IL21R: variants seen among roughly 807,000 people sequenced by gnomAD.
The protein encoded by IL21R is interleukin-21 receptor.
IL21R carries 14 observed loss-of-function variants against 41.3 expected under a neutral mutation model. That is an observed-to-expected ratio of 0.34 (90% confidence interval 0.22 to 0.53). IL21R has a LOEUF of 0.53. IL21R is among the 20% of genes least tolerant of loss of function. The pLI is 0.94. For synonymous variants in IL21R, 286 were observed against 287.6 expected, an observed-to-expected ratio of 0.99 and a Z score of 0.05; for missense variants, 588 against 681.6, an observed-to-expected ratio of 0.86 and a Z score of 1.53.
At position 27,451,057 on chromosome 16, in the gene IL21R, G is replaced by A. The variant is rs953284872; in HGVS notation, c.*1774G>A. On this transcript the variant is annotated 3_prime_UTR_variant, in exon 9 of 9. Transcript: ENST00000337929. ...AGAGTGGGACTGTGAGCCTGGGATC[G>A]GGGGGTGTGAGACTTGGATGGGAGC... 1.3e-5 allele frequency: 3 copies of A among 232,778 alleles called. No homozygotes were observed. Among genetic ancestry groups the A allele is most frequent in the Non-Finnish European group, 1.7e-5 (2 of 117,864 alleles). 14.4% of individuals were successfully genotyped at this position (232,778 alleles called of 1,614,324 possible).
At chr16:27,448,419 C>A in intron 8 of IL21R, 115 bp from the exon 9 acceptor site, 2 of 1,119,406 alleles carry the variant, frequency 1.8e-6, no homozygotes, top group Non-Finnish European at 2.5e-6. Flanking sequence ...GGCACCACTG[C>A]ATTCCAGCCT....
At chr16:27,428,195 C>T (rs1415713425) in intron 1 of IL21R, among the ~76,000 whole-genome samples, 2 of 128,822 alleles carry the variant, frequency 1.6e-5, no homozygotes, top group Non-Finnish European at 3.3e-5. Flanking sequence ...TCCTTGAATT[C>T]TCACAAGCCT....
At chr16:27,439,199 C>T (rs758676594) in intron 4 of IL21R, among the ~76,000 whole-genome samples, 1 of 152,056 alleles carries the variant, frequency 6.6e-6, no homozygotes, top group African/African-American at 2.4e-5. Flanking sequence ...TGCACACTCA[C>T]GCAAATTCCC....
chr16:27,450,176 G>A lies in IL21R; in HGVS notation c.*893G>A, dbSNP rs1403377747. On this transcript the variant is annotated 3_prime_UTR_variant, in exon 9 of 9. Transcript: ENST00000337929. ...CCCGCCTGCAGAGGGCCACTCGGGG[G>A]GGTTTCCAGGCTTAAAATCAGTCCG... The A allele has an allele frequency of 8.6e-6, 2 of 232,978 alleles. No homozygotes were observed. The highest frequency in any genetic ancestry group is 2.2e-5 in the African/African-American group (1 of 45,336). The allele number at this position is 232,978 out of a possible 1,614,324, so 14.4% of individuals were successfully genotyped here. A position where few individuals can be genotyped will look rare whatever the true frequency, so the allele number is the denominator to read the frequency against.
chr16:27,407,479 G>A (rs112889697), intron 1 of IL21R, among the ~76,000 whole-genome samples: 2 of 152,294 alleles, frequency 1.3e-5, no homozygotes, highest in African/African-American at 2.4e-5. Context: ...CTAGGCAGAG[G>A]GAAAGGCATG....
chr16:27,417,163 C>CTTTTTTTTTTTTTTTTTTTTTTT (rs577149386), intron 1 of IL21R, among the ~76,000 whole-genome samples: 5 of 126,622 alleles, frequency 3.9e-5, no homozygotes, highest in South Asian at 2.5e-4. Flanking sequence ...TTTTTCTTTT[C>CTTTTTTTTTTTTTTTTTTTTTTT]TTTTTTTTTT....
At chr16:27,424,956 A>G (rs1020881835) in intron 1 of IL21R, among the ~76,000 whole-genome samples, 2 of 152,174 alleles carry the variant, frequency 1.3e-5, no homozygotes, top group African/African-American at 4.8e-5. Flanking sequence ...CAGCTGGAGC[A>G]AAAGGGGGAG....
chr16:27,438,731 G>A (rs554311493), intron 4 of IL21R, among the ~76,000 whole-genome samples: 7 of 152,232 alleles, frequency 4.6e-5, no homozygotes, highest in South Asian at 4.1e-4. Context: ...TTTGCCGGGC[G>A]TGGTGGCACA....
At chr16:27,413,296 C>A (rs2086847227) in intron 1 of IL21R, among the ~76,000 whole-genome samples, 1 of 152,112 alleles carries the variant, frequency 6.6e-6, no homozygotes, top group Non-Finnish European at 1.5e-5. Context: ...TCCTTGAATT[C>A]TGCAGATAAA....
chr16:27,428,142 T>G (rs1232012896), intron 1 of IL21R, among the ~76,000 whole-genome samples: 1 of 152,160 alleles, frequency 6.6e-6, no homozygotes, highest in East Asian at 1.9e-4. Context: ...TGTTTGAGTG[T>G]TTATGTGATG....
rs1303920288 is a variant in IL21R, at chr16:27,449,444, G to T, written c.*161G>T. The T allele has an allele frequency of 2.0e-5, 14 of 688,344 alleles. No individual in the cohort carries two copies. The highest frequency in any genetic ancestry group is 3.1e-5 in the Non-Finnish European group (13 of 420,320). 42.6% of individuals were successfully genotyped at this position (688,344 alleles called of 1,614,324 possible). On this transcript the variant is annotated 3_prime_UTR_variant, in exon 9 of 9. Coordinates refer to ENST00000337929, the MANE Select transcript of IL21R (RefSeq NM_181078.3). The stretch of plus-strand genomic sequence containing the variant: ...TCTGTGTGTGTGTGTGCATATGTGT[G>T]TGTGTGCATATGCATGTGTGTGTGT...
intron 1 of IL21R, among the ~76,000 whole-genome samples, chr16:27,420,882 T>C (rs150866666): frequency 1.5e-4 from 23 of 152,268 alleles, no homozygotes; most frequent in Non-Finnish European, 3.1e-4. Flanking sequence ...ACTATTATTG[T>C]CTCATACAAG....
chr16:27,405,940 A>G (rs552718932), intron 1 of IL21R, among the ~76,000 whole-genome samples: 2 of 151,996 alleles, frequency 1.3e-5, no homozygotes, highest in Non-Finnish European at 2.9e-5. Context: ...GGCCACCCCG[A>G]CCCCTGCCCT....
chr16:27,442,250 A>G (rs572906407), intron 4 of IL21R, among the ~76,000 whole-genome samples: 52 of 152,262 alleles, frequency 3.4e-4, no homozygotes, highest in South Asian at 1.0e-3. Context: ...GCATGTGCAC[A>G]TGTGTTTGTG....
At chr16:27,445,305 A>T in intron 7 of IL21R, 29 bp downstream of exon 7, 2 of 1,500,346 alleles carry the variant, frequency 1.3e-6, no homozygotes, top group Non-Finnish European at 1.9e-6. Flanking sequence ...GAAGGCAGGG[A>T]GGTGGTCAGC....
chr16:27,444,634 G>A lies in IL21R; in HGVS notation c.600G>A (p.Val200=), dbSNP rs2141309860. The part of the protein sequence containing the change: ...FRKDSSYELQ[V]RAGPMPGSSY... ...AAGACTCGAGCTATGAGCTGCAGGT[G>A]CGGGCAGGGCCCATGCCTGGCTCCT... The change falls in exon 6 of 9, where the codon GTG becomes GTA. Residue 200 remains valine, a synonymous_variant. Coordinates refer to ENST00000337929, the MANE Select transcript of IL21R (RefSeq NM_181078.3). 6.3e-7 allele frequency: 1 copy of A among 1,589,838 alleles called. No homozygotes were observed. Among genetic ancestry groups the A allele is most frequent in the East Asian group, 2.3e-5 (1 of 42,606 alleles).
intron 8 of IL21R, chr16:27,447,823 G>A (rs1225337924): frequency 6.6e-6 from 1 of 152,344 alleles, no homozygotes; most frequent in Admixed American, 6.5e-5. Context: ...AAGCATCAAG[G>A]AGGCGGGAAA....
chr16:27,448,792 A>C lies in IL21R; in HGVS notation c.1126A>C (p.Ile376Leu). ...ERDRPYGLVSIDTVTVLDAEG... is the reference protein window; with the variant it reads ...ERDRPYGLVSLDTVTVLDAEG... ...GGATCGGCCATACGGCCTGGTGTCC[A>C]TTGACACAGTGACTGTGCTAGATGC... The change falls in exon 9 of 9, where the codon ATT becomes CTT. Residue 376 changes from isoleucine (I) to leucine (L), a missense_variant. By Grantham distance (5) the Ile-to-Leu change is conservative (BLOSUM62 2). Coordinates refer to ENST00000337929, the MANE Select transcript of IL21R (RefSeq NM_181078.3). 3 of 1,613,588 alleles carry C rather than the reference A, an allele frequency of 1.9e-6. No homozygotes were observed. The highest frequency in any genetic ancestry group is 2.5e-6 in the Non-Finnish European group (3 of 1,180,018).
chr16:27,440,248 T>TATATATAG lies in IL21R; in HGVS notation c.352+2562_352+2563insTATATAGA, dbSNP rs1352160946. Among the ~76,000 whole-genome samples the TATATATAG allele has an allele frequency of 5.7e-3, 366 of 64,032 alleles. 4 individuals are homozygous for TATATATAG. The highest frequency in any genetic ancestry group is 0.01 in the Middle Eastern group (1 of 96). The allele number at this position is 64,032 out of a possible 152,430, so 42.0% of individuals were successfully genotyped here. A position where few individuals can be genotyped will look rare whatever the true frequency, so the allele number is the denominator to read the frequency against. ...ATATATATATATATATATATATATA[T>TATATATAG]AGAGAGAGAGAGAGAGAGAGAGAGA... On this transcript the variant is annotated intron_variant, in intron 4 of 8. Transcript: ENST00000337929.
Sources: gnomAD v4.1 joint callset for allele counts (sites outside exome capture counted in the v4.1 genomes callset) on GRCh38, gnomAD v4.1.1 for gene constraint, MANE v1.5 for transcripts, NCBI Gene and HGNC (gene_info 2026-07-23, HGNC 2026-07-21) for gene names.